The following ZFHX4 variants were observed in gnomAD, a reference collection of about 807,000 sequenced individuals.
The protein encoded by ZFHX4 is zinc finger homeobox protein 4.
Under a neutral mutation model 267.6 loss-of-function variants are expected in ZFHX4, and 56 were observed. The observed-to-expected ratio is 0.21, with a 90% CI of 0.17 to 0.26. The LOEUF is 0.26. ZFHX4 is among the 10% of genes least tolerant of loss of function. ZFHX4 has a pLI of 1.00. For synonymous variants in ZFHX4, 1,778 were observed against 1,665.6 expected (o/e 1.07, Z -1.64); for missense variants, 4,332 against 4,420.0 (o/e 0.98, Z 0.56).
intron 6 of ZFHX4, among the ~76,000 whole-genome samples, chr8:76,846,724 G>T (rs1290721548): frequency 1.3e-5 from 2 of 151,976 alleles, no homozygotes; most frequent in Non-Finnish European, 2.9e-5. Context: ...TACATTTTTT[G>T]ATCCCTGACA....
At chr8:76,772,059 T>G (rs945995360) in intron 3 of ZFHX4, among the ~76,000 whole-genome samples, 3 of 152,134 alleles carry the variant, frequency 2.0e-5, no homozygotes, top group Non-Finnish European at 4.4e-5. Flanking sequence ...AATTTCTGTG[T>G]GTCTCTGTTT....
At chr8:76,712,716 C>T (rs1223203626) in intron 3 of ZFHX4, among the ~76,000 whole-genome samples, 1 of 152,012 alleles carries the variant, frequency 6.6e-6, no homozygotes, top group Non-Finnish European at 1.5e-5. Context: ...CAGAGATAAA[C>T]AAAAGTTATT....
intron 1 of ZFHX4, among the ~76,000 whole-genome samples, chr8:76,683,483 G>T (rs1047855376): frequency 1.3e-5 from 2 of 151,344 alleles, no homozygotes; most frequent in Non-Finnish European, 2.9e-5. Flanking sequence ...CTCAGACAGA[G>T]GCAGGTTCAC....
intron 3 of ZFHX4, among the ~76,000 whole-genome samples, chr8:76,722,666 C>A (rs373642354): frequency 1.3e-5 from 2 of 150,578 alleles, no homozygotes; most frequent in Non-Finnish European, 3.0e-5. Flanking sequence ...GGAGAAAAAA[C>A]ACTCCACTGA....
chr8:76,708,818 GT>G (rs5892562), intron 3 of ZFHX4, among the ~76,000 whole-genome samples: 6,608 of 152,168 alleles, frequency 0.043, 315 homozygotes, highest in East Asian at 0.24. Context: ...ATTTTCTGCA[GT>G]TTGTTCACTG....
At position 76,859,101 on chromosome 8, in the gene ZFHX4, G is replaced by T. The variant is rs72622862; in HGVS notation, c.9379+2801G>T. 1.5e-3 allele frequency among the ~76,000 whole-genome samples: 232 copies of T among 152,304 alleles called. 9 individuals are homozygous for T. In the East Asian group the frequency reaches 0.039, roughly 26 times the overall value. ...GTATTTATCAACTTCTGAATTTCCTGATTTAAACATACACTTTATTTTATT... is the reference window on the plus strand; with the variant it reads ...GTATTTATCAACTTCTGAATTTCCTTATTTAAACATACACTTTATTTTATT... On this transcript the variant is annotated intron_variant, in intron 10 of 10. Transcript: ENST00000651372.
intron 3 of ZFHX4, among the ~76,000 whole-genome samples, chr8:76,774,656 A>G (rs1248928223): frequency 1.3e-5 from 2 of 152,112 alleles, no homozygotes; most frequent in Non-Finnish European, 2.9e-5. Context: ...TCTCATAAAA[A>G]TTAGAATTGA....
intron 6 of ZFHX4, among the ~76,000 whole-genome samples, chr8:76,847,928 T>A (rs2131930624): frequency 6.6e-6 from 1 of 152,180 alleles, no homozygotes; most frequent in South Asian, 2.1e-4. Context: ...TTACGTGGGG[T>A]CTGATAGCAA....
chr8:76,845,237 A>G (rs1036441535), intron 6 of ZFHX4, among the ~76,000 whole-genome samples: 3 of 152,120 alleles, frequency 2.0e-5, no homozygotes, highest in African/African-American at 7.2e-5. Context: ...TTCATAATAG[A>G]AAAGCCTTCT....
chr8:76,807,254 G>A (rs962300566), intron 4 of ZFHX4, among the ~76,000 whole-genome samples: 3 of 151,978 alleles, frequency 2.0e-5, no homozygotes, highest in African/African-American at 7.2e-5. Flanking sequence ...GAAAACACAA[G>A]TGGTATAGTG....
intron 5 of ZFHX4, among the ~76,000 whole-genome samples, chr8:76,839,702 T>A (rs1297884448): frequency 6.6e-6 from 1 of 152,230 alleles, no homozygotes; most frequent in Non-Finnish European, 1.5e-5. Context: ...CTTTGGCATC[T>A]TTATTTTGGA....
intron 3 of ZFHX4, 74 bp from the exon 4 acceptor site, chr8:76,778,134 G>A (rs1810447785): frequency 9.6e-6 from 9 of 941,296 alleles, no homozygotes; most frequent in Non-Finnish European, 1.6e-5. Flanking sequence ...ATCATGCCAT[G>A]GGTGGGTGTC....
At chr8:76,691,723 C>T (rs1807829304) in intron 1 of ZFHX4, among the ~76,000 whole-genome samples, 1 of 152,094 alleles carries the variant, frequency 6.6e-6, no homozygotes, top group African/African-American at 2.4e-5. Context: ...TCAGTTTTCT[C>T]ATCTGTATAT....
intron 8 of ZFHX4, chr8:76,850,036 C>A (rs1812469555): frequency 5.1e-6 from 3 of 583,334 alleles, no homozygotes; most frequent in Admixed American, 3.2e-5. Context: ...CCTACAGGAA[C>A]CTTTAAGCCA....
chr8:76,760,362 T>G (rs904297090), intron 3 of ZFHX4, among the ~76,000 whole-genome samples: 3 of 152,206 alleles, frequency 2.0e-5, no homozygotes, highest in Non-Finnish European at 4.4e-5. Context: ...TCTTTACTAT[T>G]GAGCATCTAC....
At chr8:76,811,624 A>G (rs902768785) in intron 4 of ZFHX4, among the ~76,000 whole-genome samples, 4 of 152,344 alleles carry the variant, frequency 2.6e-5, no homozygotes, top group Non-Finnish European at 5.9e-5. Context: ...AATAATAACA[A>G]GAAGGTGTAT....
At chr8:76,742,149 T>C (rs1432591626) in intron 3 of ZFHX4, among the ~76,000 whole-genome samples, 1 of 152,186 alleles carries the variant, frequency 6.6e-6, no homozygotes, top group Non-Finnish European at 1.5e-5. Context: ...GTGTGTTAAG[T>C]AGTGGTTAGA....
In ZFHX4 at chr8:76,704,280, C is replaced by T. The variant is rs141168301; in HGVS notation, c.192C>T (p.Phe64=). 1.7e-3 allele frequency: 2,768 copies of T among 1,614,002 alleles called. 55 individuals carry two copies. In the South Asian group the frequency reaches 0.023, roughly 14 times the overall value. The change falls in exon 2 of 11, where the codon TTC becomes TTT. Residue 64 remains phenylalanine (F), a synonymous_variant. Transcript: ENST00000651372. ...GCAAAAGTGAAGCCTTGCTGGGTTT[C>T]AGCGTTGAGAATGCAGCTGCCACTC... ...DERKSEALLG[F]SVENAAATQV... is the part of the protein sequence containing the mutation.
intron 3 of ZFHX4, among the ~76,000 whole-genome samples, chr8:76,750,385 T>C (rs1380305522): frequency 1.3e-5 from 2 of 152,154 alleles, no homozygotes; most frequent in African/African-American, 4.8e-5. Context: ...AGTTTTGAGA[T>C]GCTAAACTGT....
Sources: allele counts gnomAD v4.1 joint callset (sites outside exome capture counted in the v4.1 genomes callset), GRCh38; gene constraint gnomAD v4.1.1; transcripts MANE v1.5; gene names NCBI Gene and HGNC (gene_info 2026-07-23, HGNC 2026-07-21).